CNTN4: variants seen among roughly 807,000 people sequenced by gnomAD.
CNTN4 encodes contactin 4, also known as contactin-4.
A neutral mutation model predicts 122.5 loss-of-function variants in CNTN4; 77 were observed. The observed-to-expected ratio is 0.63, with a 90% confidence interval of 0.52 to 0.76. The LOEUF (loss-of-function observed/expected upper bound fraction) is 0.76, where lower values mean the gene tolerates loss of function less well. Among genes scored for constraint, CNTN4 ranks in the 30% least tolerant of loss-of-function variants. CNTN4 has a pLI of 0.00. For missense variants in CNTN4, 1,256 were observed against 1,259.1 expected (o/e 1.00, Z 0.04); for synonymous variants, 512 against 447.0 (o/e 1.15, Z -1.83).
intron 2 of CNTN4, among the ~76,000 whole-genome samples, chr3:2,290,644 G>C (rs1326650486): frequency 6.6e-6 from 1 of 152,172 alleles, no homozygotes; most frequent in East Asian, 1.9e-4. Context: ...AAGAACTACA[G>C]GTAAGCCAGG....
intron 13 of CNTN4, among the ~76,000 whole-genome samples, chr3:2,978,871 A>G (rs1438751150): frequency 6.6e-6 from 1 of 152,178 alleles, no homozygotes; most frequent in Non-Finnish European, 1.5e-5. Context: ...AAGTAGTCTT[A>G]CCGAAATATA....
intron 4 of CNTN4, among the ~76,000 whole-genome samples, chr3:2,618,974 C>CAGTT (rs2081888997): frequency 2.0e-5 from 3 of 152,152 alleles, no homozygotes; most frequent in African/African-American, 7.2e-5. Flanking sequence ...CTCACCAAAC[C>CAGTT]AGTTATCTGT....
intron 4 of CNTN4, among the ~76,000 whole-genome samples, chr3:2,717,380 C>G (rs1295556561): frequency 2.6e-5 from 4 of 152,074 alleles, no homozygotes; most frequent in African/African-American, 9.7e-5. Flanking sequence ...GTGAAAACCC[C>G]GGGTACTAGT....
intron 6 of CNTN4, among the ~76,000 whole-genome samples, chr3:2,769,764 A>G (rs907608006): frequency 3.3e-5 from 5 of 152,188 alleles, no homozygotes; most frequent in African/African-American, 1.2e-4. Flanking sequence ...AATGGGTGGC[A>G]AGTAAAAATG....
intron 12 of CNTN4, among the ~76,000 whole-genome samples, chr3:2,910,856 C>CCCTTTTTCCCCAATGGACCAGTTG (rs2151219408): frequency 6.6e-6 from 1 of 152,212 alleles, no homozygotes; most frequent in African/African-American, 2.4e-5. Flanking sequence ...AAGCCCCAGA[C>CCCTTTTTCCCCAATGGACCAGTTG]CCTTTTTCCC....
chr3:2,758,104 T>A (rs904151249), intron 6 of CNTN4, among the ~76,000 whole-genome samples: 5 of 152,210 alleles, frequency 3.3e-5, no homozygotes, highest in African/African-American at 1.2e-4. Context: ...TAATTATATC[T>A]TAAAGGCCCT....
intron 6 of CNTN4, among the ~76,000 whole-genome samples, chr3:2,756,078 A>G (rs1051310582): frequency 1.3e-5 from 2 of 152,216 alleles, no homozygotes; most frequent in Non-Finnish European, 2.9e-5. Context: ...TGCTCTAATT[A>G]TATCAATATC....
chr3:2,535,506 T>C (rs1234483837), intron 3 of CNTN4, among the ~76,000 whole-genome samples: 2 of 152,314 alleles, frequency 1.3e-5, no homozygotes, highest in East Asian at 3.9e-4. Context: ...GAGATTTTCA[T>C]TGACGTCAAG....
intron 12 of CNTN4, among the ~76,000 whole-genome samples, chr3:2,920,526 T>G (rs1205503110): frequency 6.6e-6 from 1 of 151,960 alleles, no homozygotes; most frequent in Non-Finnish European, 1.5e-5. Flanking sequence ...AGGACCTTTC[T>G]GTATTATATT....
chr3:2,227,740 C>T (rs1007123577), intron 2 of CNTN4, among the ~76,000 whole-genome samples: 12 of 152,064 alleles, frequency 7.9e-5, no homozygotes, highest in African/African-American at 2.7e-4. Context: ...GTGTTTGCAC[C>T]TCTTCCTGGC....
intron 6 of CNTN4, among the ~76,000 whole-genome samples, chr3:2,776,618 C>T (rs2091330049): frequency 6.6e-6 from 1 of 152,146 alleles, no homozygotes. Flanking sequence ...AATTGGTAGA[C>T]TGTAAACTTC....
At chr3:2,263,950 G>A (rs2040940448) in intron 2 of CNTN4, among the ~76,000 whole-genome samples, 1 of 152,060 alleles carries the variant, frequency 6.6e-6, no homozygotes, top group Non-Finnish European at 1.5e-5. Context: ...ATTTCATTCT[G>A]TTTTATGGCC....
chr3:2,248,583 C>T (rs989006286), intron 2 of CNTN4, among the ~76,000 whole-genome samples: 26 of 151,944 alleles, frequency 1.7e-4, no homozygotes, highest in African/African-American at 6.0e-4. Flanking sequence ...CATTTGTATC[C>T]ATTGGGTAAA....
chr3:2,907,230 T>C (rs1440707129), intron 12 of CNTN4, among the ~76,000 whole-genome samples: 1 of 152,162 alleles, frequency 6.6e-6, no homozygotes, highest in Non-Finnish European at 1.5e-5. Flanking sequence ...ATCATGAGGA[T>C]GCTGAATTGA....
chr3:2,776,005 A>G (rs961517386), intron 6 of CNTN4, among the ~76,000 whole-genome samples: 1 of 152,200 alleles, frequency 6.6e-6, no homozygotes, highest in Non-Finnish European at 1.5e-5. Flanking sequence ...CATTTTATAC[A>G]TACTTATGTC....
chr3:2,499,640 A>G (rs1172051371), intron 3 of CNTN4, among the ~76,000 whole-genome samples: 1 of 152,044 alleles, frequency 6.6e-6, no homozygotes, highest in African/African-American at 2.4e-5. Context: ...TAAGGTAGCT[A>G]TATGTTTAAG....
chr3:2,735,828 A>G, intron 4 of CNTN4: 1 of 389,432 alleles, frequency 2.6e-6, no homozygotes, highest in Non-Finnish European at 5.0e-6. Context: ...ACAGAAAAAA[A>G]TGTTAGCTTT....
intron 8 of CNTN4, among the ~76,000 whole-genome samples, chr3:2,873,316 A>T (rs2093807112): frequency 6.6e-6 from 1 of 152,214 alleles, no homozygotes; most frequent in Non-Finnish European, 1.5e-5. Flanking sequence ...CCCAAGCCAG[A>T]TAATATCAGG....
intron 4 of CNTN4, among the ~76,000 whole-genome samples, chr3:2,681,572 C>T (rs1234384203): frequency 6.6e-6 from 1 of 152,038 alleles, no homozygotes; most frequent in Non-Finnish European, 1.5e-5. Context: ...ACCTAAATAC[C>T]TAGATATGTA....
Sources: gnomAD v4.1 joint callset for allele counts (sites outside exome capture counted in the v4.1 genomes callset) on GRCh38, gnomAD v4.1.1 for gene constraint, MANE v1.5 for transcripts, NCBI Gene and HGNC (gene_info 2026-07-23, HGNC 2026-07-21) for gene names.